The following MAP3K13 variants were observed in gnomAD, a reference collection of about 807,000 sequenced individuals.
MAP3K13 encodes the protein mitogen-activated protein kinase kinase kinase 13.
In MAP3K13, 52 loss-of-function variants were observed where a neutral mutation model predicts 104.0. The ratio of observed to expected loss-of-function variants is 0.50; its 90% confidence interval spans 0.40 to 0.63. The LOEUF is 0.63. Among genes scored for constraint, MAP3K13 ranks in the 20% least tolerant of loss-of-function variants. MAP3K13 has a pLI of 0.00. For missense variants in MAP3K13, 914 were observed against 1,218.5 expected (o/e 0.75, Z 3.72); for synonymous variants, 394 against 442.2 (o/e 0.89, Z 1.37).
chr3:185,377,204 A>G (rs1180586848), intron 1 of MAP3K13, among the ~76,000 whole-genome samples: 2 of 152,126 alleles, frequency 1.3e-5, no homozygotes, highest in African/African-American at 4.8e-5. Context: ...CTGTAAGAAG[A>G]GTTTATAGGC....
At chr3:185,369,076 G>A (rs1724033619) in intron 1 of MAP3K13, among the ~76,000 whole-genome samples, 1 of 152,070 alleles carries the variant, frequency 6.6e-6, no homozygotes, top group Admixed American at 6.6e-5. Flanking sequence ...TATTAGGTAC[G>A]CAGCAGTGAA....
chr3:185,318,979 T>C (rs1220851705), intron 2 of MAP3K13, among the ~76,000 whole-genome samples: 1 of 152,200 alleles, frequency 6.6e-6, no homozygotes, highest in Admixed American at 6.5e-5. Context: ...AGTTTTAAAT[T>C]TTGTGTTAAT....
At chr3:185,417,565 T>C in intron 1 of MAP3K13, 1 of 1,611,138 alleles carries the variant, frequency 6.2e-7, no homozygotes, top group Non-Finnish European at 8.5e-7. Context: ...GGCTGGTTTC[T>C]TGGTAGCTGC....
At chr3:185,376,059 A>G (rs577017118) in intron 1 of MAP3K13, among the ~76,000 whole-genome samples, 2 of 152,296 alleles carry the variant, frequency 1.3e-5, no homozygotes, top group African/African-American at 4.8e-5. Context: ...TAGGCCTGGT[A>G]GAACTGCCAT....
chr3:185,338,913 T>C (rs888443872), intron 2 of MAP3K13, among the ~76,000 whole-genome samples: 2 of 152,124 alleles, frequency 1.3e-5, no homozygotes, highest in Non-Finnish European at 2.9e-5. Context: ...CAATGTATAA[T>C]AGAGTTAAGA....
intron 1 of MAP3K13, among the ~76,000 whole-genome samples, chr3:185,407,779 T>C (rs1178578381): frequency 2.0e-5 from 3 of 152,150 alleles, no homozygotes; most frequent in African/African-American, 4.8e-5. Context: ...AGTGTTGTCT[T>C]TTCTGTAAAT....
chr3:185,307,697 C>T (rs1170533203), intron 2 of MAP3K13, among the ~76,000 whole-genome samples: 1 of 151,960 alleles, frequency 6.6e-6, no homozygotes, highest in East Asian at 1.9e-4. Flanking sequence ...GCGCATGCCA[C>T]CACACCCAGC....
intron 2 of MAP3K13, among the ~76,000 whole-genome samples, chr3:185,348,540 T>C (rs1392056021): frequency 6.6e-6 from 1 of 152,214 alleles, no homozygotes; most frequent in East Asian, 1.9e-4. Flanking sequence ...AACACTACCA[T>C]AGGGGACCTA....
chr3:185,334,660 G>A (rs1261164334), intron 2 of MAP3K13, among the ~76,000 whole-genome samples: 2 of 151,656 alleles, frequency 1.3e-5, no homozygotes, highest in Non-Finnish European at 2.9e-5. Context: ...ACCCAGGCTG[G>A]AGTCCAGTGG....
At chr3:185,467,285 T>G (rs972611272) in intron 10 of MAP3K13, among the ~76,000 whole-genome samples, 5 of 152,198 alleles carry the variant, frequency 3.3e-5, no homozygotes, top group African/African-American at 1.2e-4. Flanking sequence ...AGTGTCCTCA[T>G]GGATAAAATG....
At chr3:185,353,055 G>C (rs930528922) in intron 2 of MAP3K13, among the ~76,000 whole-genome samples, 3 of 152,216 alleles carry the variant, frequency 2.0e-5, no homozygotes, top group Admixed American at 2.0e-4. Context: ...TTAATTGTAA[G>C]TGTATTTCCT....
intron 3 of MAP3K13, among the ~76,000 whole-genome samples, chr3:185,440,330 G>T (rs1715256065): frequency 6.6e-6 from 1 of 152,176 alleles, no homozygotes; most frequent in Non-Finnish European, 1.5e-5. Flanking sequence ...AGGTGCGTAA[G>T]ATCACTGTTA....
At chr3:185,361,992 T>A (rs1206904313), upstream of MAP3K13, among the ~76,000 whole-genome samples, 1 of 152,230 alleles carries the variant, frequency 6.6e-6, no homozygotes. Context: ...TTACTAGTGG[T>A]CAGGTTTAGA....
intron 1 of MAP3K13, among the ~76,000 whole-genome samples, chr3:185,414,434 A>G (rs1425224361): frequency 6.6e-6 from 1 of 152,238 alleles, no homozygotes; most frequent in East Asian, 1.9e-4. Context: ...TTCTACTCTT[A>G]CAAACTTATG....
At chr3:185,477,033 C>T in intron 11 of MAP3K13, 1 of 529,892 alleles carries the variant, frequency 1.9e-6, no homozygotes, top group East Asian at 4.3e-5. Context: ...CTTCCCTCTC[C>T]ATCACTCACC....
intron 1 of MAP3K13, among the ~76,000 whole-genome samples, chr3:185,409,925 G>A (rs1330887152): frequency 6.6e-6 from 1 of 152,170 alleles, no homozygotes; most frequent in Non-Finnish European, 1.5e-5. Context: ...TAGGGATGTG[G>A]TGGGTGGTGG....
chr3:185,475,393 A>T (rs976994260), intron 11 of MAP3K13, among the ~76,000 whole-genome samples: 2 of 152,210 alleles, frequency 1.3e-5, no homozygotes, highest in African/African-American at 2.4e-5. Context: ...TTCACCAGGA[A>T]TTTAGCTGAA....
intron 2 of MAP3K13, among the ~76,000 whole-genome samples, chr3:185,308,755 C>T (rs1220598750): frequency 6.6e-6 from 1 of 152,154 alleles, no homozygotes; most frequent in East Asian, 1.9e-4. Flanking sequence ...CTTTTCTTTC[C>T]CTTCTGATGA....
chr3:185,328,396 C>T (rs976739532), intron 2 of MAP3K13, among the ~76,000 whole-genome samples: 8 of 152,006 alleles, frequency 5.3e-5, no homozygotes, highest in Non-Finnish European at 1.0e-4. Flanking sequence ...ATTACAGGCA[C>T]CCACCACCAC....
Sources: allele counts gnomAD v4.1 joint callset (sites outside exome capture counted in the v4.1 genomes callset), GRCh38; gene constraint gnomAD v4.1.1; transcripts MANE v1.5; gene names NCBI Gene and HGNC (gene_info 2026-07-23, HGNC 2026-07-21).